The following HCN1 variants were observed in gnomAD, a reference collection of about 807,000 sequenced individuals.
HCN1 encodes the protein potassium/sodium hyperpolarization-activated cyclic nucleotide-gated channel 1.
A neutral mutation model predicts 78.9 loss-of-function variants in HCN1; 13 were observed. The ratio of observed to expected loss-of-function variants is 0.16; its 90% CI spans 0.11 to 0.26. The LOEUF is 0.26. Among genes scored for constraint, HCN1 ranks in the 10% least tolerant of loss-of-function variants. The pLI, the probability that HCN1 is intolerant of heterozygous loss-of-function variation, is 1.00. For synonymous variants in HCN1, 552 were observed against 455.5 expected, an observed-to-expected ratio of 1.21 and a Z score of -2.70; for missense variants, 810 against 1,154.3, an observed-to-expected ratio of 0.70 and a Z score of 4.32.
At chr5:45,600,419 C>T (rs551571952) in intron 2 of HCN1, among the ~76,000 whole-genome samples, 1 of 152,162 alleles carries the variant, frequency 6.6e-6, no homozygotes, top group Admixed American at 6.5e-5. Context: ...ATAATGGAAA[C>T]ATTGTAGAGT....
chr5:45,659,674 C>T (rs866513984), intron 1 of HCN1, among the ~76,000 whole-genome samples: 3,984 of 136,670 alleles, frequency 0.029, 243 homozygotes, highest in African/African-American at 0.11. Flanking sequence ...CCTCAGGAGC[C>T]GATGCAATCA....
intron 2 of HCN1, among the ~76,000 whole-genome samples, chr5:45,586,408 C>T (rs1272152077): frequency 6.6e-6 from 1 of 152,248 alleles, no homozygotes; most frequent in Middle Eastern, 3.4e-3. Flanking sequence ...CCTGATTTTC[C>T]AGGTGCCATC....
intron 2 of HCN1, among the ~76,000 whole-genome samples, chr5:45,491,464 C>A (rs1468377938): frequency 6.6e-6 from 1 of 152,024 alleles, no homozygotes; most frequent in Non-Finnish European, 1.5e-5. Flanking sequence ...TTTAACTTAC[C>A]TTGTGCGCTC....
chr5:45,362,318 G>A (rs1471187905), intron 4 of HCN1, among the ~76,000 whole-genome samples: 2 of 151,958 alleles, frequency 1.3e-5, no homozygotes, highest in African/African-American at 2.4e-5. Flanking sequence ...ATTTTATGCT[G>A]TCTCAACTTT....
At chr5:45,626,748 A>T (rs975464447) in intron 2 of HCN1, among the ~76,000 whole-genome samples, 1 of 152,124 alleles carries the variant, frequency 6.6e-6, no homozygotes, top group African/African-American at 2.4e-5. Context: ...CTGAGTTTGA[A>T]AGGGTCAGCA....
chr5:45,432,745 G>A (rs1474076389), intron 3 of HCN1, among the ~76,000 whole-genome samples: 1 of 152,094 alleles, frequency 6.6e-6, no homozygotes, highest in South Asian at 2.1e-4. Context: ...AGATAATCAC[G>A]TGGTTCTTGT....
At chr5:45,313,799 A>G (rs568517578) in intron 5 of HCN1, among the ~76,000 whole-genome samples, 2 of 152,320 alleles carry the variant, frequency 1.3e-5, no homozygotes, top group South Asian at 2.1e-4. Flanking sequence ...AAATGAAGTG[A>G]GAAGAGAAGT....
intron 4 of HCN1, among the ~76,000 whole-genome samples, chr5:45,364,409 T>C (rs1271908324): frequency 6.7e-6 from 1 of 150,106 alleles, no homozygotes; most frequent in Non-Finnish European, 1.5e-5. Context: ...AAAATTGAAA[T>C]TGTCTTCCTT....
In HCN1 at chr5:45,695,995, G is replaced by A; in HGVS notation, c.99C>T (p.Ala33=). The A allele has an allele frequency of 7.7e-7, 1 of 1,293,436 alleles. No homozygotes were observed. Among genetic ancestry groups the A allele is most frequent in the Non-Finnish European group, 9.8e-7 (1 of 1,018,174 alleles). The allele number at this position is 1,293,436 out of a possible 1,614,324, so 80.1% of individuals were successfully genotyped here. A position where few individuals can be genotyped will look rare whatever the true frequency, so the allele number is the denominator to read the frequency against. The change falls in exon 1 of 8, where the codon GCC becomes GCT. Residue 33 remains alanine, a synonymous_variant. Coordinates refer to ENST00000303230, the MANE Select transcript of HCN1 (RefSeq NM_021072.4). The part of the protein sequence containing the change: ...AKASATGAGP[A]AAEKRLGTPP... ...GGGTGCCCAGGCGCTTCTCGGCCGCGGCCGGCCCCGCGCCCGTCGCGGACG... is the reference window on the plus strand; with the variant it reads ...GGGTGCCCAGGCGCTTCTCGGCCGCAGCCGGCCCCGCGCCCGTCGCGGACG...
intron 2 of HCN1, among the ~76,000 whole-genome samples, chr5:45,637,466 A>G (rs1007683322): frequency 7.2e-5 from 11 of 151,808 alleles, no homozygotes; most frequent in South Asian, 6.2e-4. Flanking sequence ...AGATGCAGGA[A>G]AGCTATGATA....
chr5:45,457,825 C>T (rs538202188), intron 3 of HCN1, among the ~76,000 whole-genome samples: 2 of 152,116 alleles, frequency 1.3e-5, no homozygotes, highest in East Asian at 3.9e-4. Context: ...TATAACTAAC[C>T]CCCTTCTCCA....
chr5:45,539,467 C>A (rs1018671404), intron 2 of HCN1, among the ~76,000 whole-genome samples: 7 of 151,094 alleles, frequency 4.6e-5, no homozygotes, highest in African/African-American at 9.7e-5. Context: ...TTGAGACCAT[C>A]TTGGCTAACA....
intron 1 of HCN1, among the ~76,000 whole-genome samples, chr5:45,671,555 A>T (rs1224977786): frequency 6.6e-6 from 1 of 151,492 alleles, no homozygotes; most frequent in East Asian, 1.9e-4. Context: ...TTGCAATTCA[A>T]TACTTACATT....
intron 1 of HCN1, among the ~76,000 whole-genome samples, chr5:45,681,184 T>C (rs888445791): frequency 2.0e-4 from 31 of 152,250 alleles, no homozygotes; most frequent in African/African-American, 7.2e-4. Context: ...CAGACACCCT[T>C]GCTTACCACT....
chr5:45,281,277 C>A (rs889388112), intron 6 of HCN1, among the ~76,000 whole-genome samples: 15 of 151,790 alleles, frequency 9.9e-5, no homozygotes, highest in Non-Finnish European at 1.9e-4. Flanking sequence ...GTACTCAAGA[C>A]TTCTGCTTGT....
intron 6 of HCN1, among the ~76,000 whole-genome samples, chr5:45,281,615 G>T (rs1248159964): frequency 8.2e-6 from 1 of 122,428 alleles, no homozygotes; most frequent in Non-Finnish European, 1.6e-5. Context: ...TTGAGACGGA[G>T]TCTCACTCTG....
At chr5:45,593,501 G>A (rs946138456) in intron 2 of HCN1, among the ~76,000 whole-genome samples, 13 of 151,860 alleles carry the variant, frequency 8.6e-5, no homozygotes, top group Non-Finnish European at 1.5e-4. Context: ...TAACACCTGG[G>A]CAGAGTTCCA....
chr5:45,672,802 GGTT>G (rs1165049592), intron 1 of HCN1, among the ~76,000 whole-genome samples: 1 of 151,212 alleles, frequency 6.6e-6, no homozygotes, highest in African/African-American at 2.4e-5. Context: ...GCTGCTAAAA[GGTT>G]GTTTTATCTT....
chr5:45,494,733 G>A (rs1326151827), intron 2 of HCN1, among the ~76,000 whole-genome samples: 1 of 152,090 alleles, frequency 6.6e-6, no homozygotes, highest in Non-Finnish European at 1.5e-5. Context: ...ATGGTTTTAG[G>A]TCTAACGTTT....
Sources: gnomAD v4.1 joint callset for allele counts (sites outside exome capture counted in the v4.1 genomes callset) on GRCh38, gnomAD v4.1.1 for gene constraint, MANE v1.5 for transcripts, NCBI Gene and HGNC (gene_info 2026-07-23, HGNC 2026-07-21) for gene names.